GALNT16: variants seen among roughly 807,000 people sequenced by gnomAD.
GALNT16 encodes UDP-GalNAc:polypeptide N-acetylgalactosaminyltransferase-like protein 1.
In GALNT16, 40 loss-of-function variants were observed where a neutral mutation model predicts 76.1. The ratio of observed to expected loss-of-function variants is 0.53; its 90% confidence interval spans 0.41 to 0.68. The LOEUF (loss-of-function observed/expected upper bound fraction) is 0.68. Among genes scored for constraint, GALNT16 ranks in the 30% least tolerant of loss-of-function variants. GALNT16 has a pLI of 0.00. For missense variants in GALNT16, 621 were observed against 731.9 expected (o/e 0.85, Z 1.75); for synonymous variants, 276 against 285.2 (o/e 0.97, Z 0.32).
chr14:69,362,614 G>C, the GALNT16 span, among the ~76,000 whole-genome samples: 1 of 152,222 alleles, frequency 6.6e-6, no homozygotes, highest in East Asian at 1.9e-4. Context: ...CAGCTGCTTA[G>C]GCATCCTGAG....
intron 1 of GALNT16, among the ~76,000 whole-genome samples, chr14:69,284,652 G>A (rs2044586057): frequency 6.6e-6 from 1 of 152,182 alleles, no homozygotes; most frequent in African/African-American, 2.4e-5. Context: ...CTAGCTGTGT[G>A]AACATGGGCA....
At chr14:69,312,602 A>C (rs951819584) in intron 1 of GALNT16, among the ~76,000 whole-genome samples, 3 of 152,222 alleles carry the variant, frequency 2.0e-5, no homozygotes, top group African/African-American at 7.2e-5. Flanking sequence ...TCGCTGGCTG[A>C]GAGGACCCAG....
At chr14:69,314,065 C>A (rs1340183168) in intron 1 of GALNT16, among the ~76,000 whole-genome samples, 1 of 152,192 alleles carries the variant, frequency 6.6e-6, no homozygotes, top group Non-Finnish European at 1.5e-5. Context: ...TCCAGAGATT[C>A]TGGTTTAGTT....
chr14:69,305,542 G>C (rs953811567), intron 1 of GALNT16, among the ~76,000 whole-genome samples: 1 of 152,000 alleles, frequency 6.6e-6, no homozygotes, highest in African/African-American at 2.4e-5. Flanking sequence ...ATACCTGTTG[G>C]CTGTTTGTAT....
intron 1 of GALNT16, among the ~76,000 whole-genome samples, chr14:69,285,014 TTA>T (rs913145946): frequency 6.6e-6 from 1 of 151,690 alleles, no homozygotes; most frequent in Non-Finnish European, 1.5e-5. Context: ...CTTCTTTCCT[TTA>T]TATGTTACCC....
chr14:69,283,029 C>A (rs544580552), intron 1 of GALNT16, among the ~76,000 whole-genome samples: 21 of 152,314 alleles, frequency 1.4e-4, no homozygotes, highest in African/African-American at 5.1e-4. Flanking sequence ...CATTACAGCT[C>A]ATGAGGGGCA....
chr14:69,325,615 C>T (rs1351386566), intron 4 of GALNT16, among the ~76,000 whole-genome samples: 1 of 152,170 alleles, frequency 6.6e-6, no homozygotes, highest in Non-Finnish European at 1.5e-5. Context: ...TTGGATGGGA[C>T]TCTAGTGAGA....
intron 5 of GALNT16, among the ~76,000 whole-genome samples, chr14:69,327,904 G>C (rs977645254): frequency 6.6e-6 from 1 of 152,184 alleles, no homozygotes; most frequent in Non-Finnish European, 1.5e-5. Context: ...TGTCCCTGTC[G>C]TCTTGTTTGA....
chr14:69,292,508 T>C (rs926839647), intron 1 of GALNT16, among the ~76,000 whole-genome samples: 2 of 152,240 alleles, frequency 1.3e-5, no homozygotes, highest in African/African-American at 4.8e-5. Flanking sequence ...CCTGAGCGCA[T>C]CTCCGTCCTA....
intron 1 of GALNT16, among the ~76,000 whole-genome samples, chr14:69,310,145 T>C (rs2044995894): frequency 6.6e-6 from 1 of 152,166 alleles, no homozygotes. Flanking sequence ...TAAGACATAC[T>C]ATAAGACTAC....
intron 1 of GALNT16, among the ~76,000 whole-genome samples, chr14:69,266,292 C>T (rs867430652): frequency 6.6e-6 from 1 of 152,330 alleles, no homozygotes; most frequent in South Asian, 2.1e-4. Flanking sequence ...TGGGCAATCC[C>T]TCCTTCCATC....
chr14:69,332,055 TAA>T (rs1462289812), intron 7 of GALNT16, among the ~76,000 whole-genome samples: 1 of 152,202 alleles, frequency 6.6e-6, no homozygotes, highest in African/African-American at 2.4e-5. Context: ...TAGTTGGAAT[TAA>T]GAGTGCTATA....
intron 5 of GALNT16, among the ~76,000 whole-genome samples, chr14:69,327,867 T>C (rs1289848543): frequency 2.6e-5 from 4 of 152,118 alleles, no homozygotes; most frequent in Admixed American, 2.6e-4. Flanking sequence ...GAACCTGACA[T>C]GTGTGGGTCT....
intron 1 of GALNT16, among the ~76,000 whole-genome samples, chr14:69,283,461 G>A (rs72722106): frequency 0.095 from 14,492 of 152,220 alleles, 929 homozygotes; most frequent in South Asian, 0.19. Flanking sequence ...ATAATGGTTT[G>A]TCTACCAGGG....
intron 1 of GALNT16, among the ~76,000 whole-genome samples, chr14:69,277,125 T>G (rs1464924581): frequency 6.6e-6 from 1 of 152,240 alleles, no homozygotes; most frequent in Non-Finnish European, 1.5e-5. Flanking sequence ...AAGGGCTGAA[T>G]AGTCAAAATG....
the GALNT16 span, among the ~76,000 whole-genome samples, chr14:69,368,654 A>G: frequency 6.6e-6 from 1 of 152,202 alleles, no homozygotes; most frequent in African/African-American, 2.4e-5. Flanking sequence ...GAGGGTTTAC[A>G]CGAGGGCTTG....
At chr14:69,308,552 A>G (rs2044972689) in intron 1 of GALNT16, among the ~76,000 whole-genome samples, 1 of 152,216 alleles carries the variant, frequency 6.6e-6, no homozygotes, top group East Asian at 1.9e-4. Flanking sequence ...TCAGTTGTCT[A>G]CTGATAGAGA....
At chr14:69,266,918 G>A (rs114458585) in intron 1 of GALNT16, among the ~76,000 whole-genome samples, 198 of 152,310 alleles carry the variant, frequency 1.3e-3, no homozygotes, top group African/African-American at 4.6e-3. Context: ...AGCCAAGGCT[G>A]GTCAGAGACA....
At chr14:69,297,871 G>T (rs1360241398) in intron 1 of GALNT16, among the ~76,000 whole-genome samples, 7 of 152,106 alleles carry the variant, frequency 4.6e-5, no homozygotes. Context: ...CTTACTGAGA[G>T]CTTGTTATGT....
Sources: allele counts gnomAD v4.1 joint callset (sites outside exome capture counted in the v4.1 genomes callset), GRCh38; gene constraint gnomAD v4.1.1; transcripts MANE v1.5; gene names NCBI Gene and HGNC (gene_info 2026-07-23, HGNC 2026-07-21).